Variants in ST6GALNAC3 observed in about 807,000 individuals in gnomAD.
ST6GALNAC3 encodes the protein ST6 N-acetylgalactosaminide alpha-2,6-sialyltransferase 3.
ST6GALNAC3 carries 25 observed loss-of-function variants against 32.7 expected under a neutral mutation model. The observed-to-expected ratio is 0.76, with a 90% CI of 0.56 to 1.07. ST6GALNAC3 has a LOEUF of 1.07. Among genes scored for constraint, ST6GALNAC3 ranks in the 50% least tolerant of loss-of-function variants. The pLI, the probability that ST6GALNAC3 is intolerant of heterozygous loss-of-function variation, is 0.00. For synonymous variants in ST6GALNAC3, 129 were observed against 133.1 expected (o/e 0.97, Z 0.21); for missense variants, 355 against 382.4 (o/e 0.93, Z 0.60).
At chr1:76,227,717 A>G (rs1478824646) in intron 1 of ST6GALNAC3, among the ~76,000 whole-genome samples, 1 of 152,190 alleles carries the variant, frequency 6.6e-6, no homozygotes, top group Admixed American at 6.5e-5. Flanking sequence ...GTCTCTAGGG[A>G]AGAAAATTTC....
intron 1 of ST6GALNAC3, among the ~76,000 whole-genome samples, chr1:76,214,679 A>G (rs185069837): frequency 9.8e-5 from 15 of 152,342 alleles, no homozygotes; most frequent in Non-Finnish European, 1.5e-5. Flanking sequence ...CACAGTAGGT[A>G]CTCAACAAAT....
intron 3 of ST6GALNAC3, among the ~76,000 whole-genome samples, chr1:76,436,153 G>A (rs1656127568): frequency 6.6e-6 from 1 of 151,970 alleles, no homozygotes; most frequent in Middle Eastern, 3.2e-3. Flanking sequence ...TTGTATTAAA[G>A]CATTCGAATG....
At chr1:76,185,819 GA>G (rs903434994) in intron 1 of ST6GALNAC3, among the ~76,000 whole-genome samples, 7 of 151,892 alleles carry the variant, frequency 4.6e-5, no homozygotes, top group African/African-American at 1.7e-4. Flanking sequence ...AGTACTCAGG[GA>G]AAAAAATATA....
chr1:76,464,646 T>C (rs2101607274), intron 3 of ST6GALNAC3, among the ~76,000 whole-genome samples: 1 of 152,342 alleles, frequency 6.6e-6, no homozygotes, highest in African/African-American at 2.4e-5. Context: ...CAGCAATAGC[T>C]GAGTAAGTGG....
At chr1:76,431,789 A>C (rs1655773236) in intron 3 of ST6GALNAC3, among the ~76,000 whole-genome samples, 1 of 152,082 alleles carries the variant, frequency 6.6e-6, no homozygotes, top group Non-Finnish European at 1.5e-5. Flanking sequence ...CCCCCCGCCC[A>C]GAGTGGTACA....
rs146744491 is a variant in ST6GALNAC3, at chr1:76,526,754, G to A, written c.624-100698G>A. On this transcript the variant is annotated intron_variant, in intron 3 of 4. Coordinates refer to ENST00000328299, the MANE Select transcript of ST6GALNAC3 (RefSeq NM_152996.4). Reference sequence around the variant, plus strand: ...CAATAACATCACTTGCAATTTAAACGCTTTAAAAATATGATCCTTTTTGCT... The same window carrying A: ...CAATAACATCACTTGCAATTTAAACACTTTAAAAATATGATCCTTTTTGCT... 3.8e-3 allele frequency among the ~76,000 whole-genome samples: 583 copies of A among 151,884 alleles called. 3 individuals are homozygous for A. The highest frequency in any genetic ancestry group is 0.013 in the African/African-American group (539 of 41,472).
intron 1 of ST6GALNAC3, among the ~76,000 whole-genome samples, chr1:76,255,390 C>T (rs1030595680): frequency 6.6e-6 from 1 of 152,038 alleles, no homozygotes; most frequent in Non-Finnish European, 1.5e-5. Flanking sequence ...GTTAAATTAT[C>T]TGCTTTTTTG....
At chr1:76,382,262 A>C (rs1433879173) in intron 2 of ST6GALNAC3, among the ~76,000 whole-genome samples, 2 of 152,180 alleles carry the variant, frequency 1.3e-5, no homozygotes, top group East Asian at 3.9e-4. Flanking sequence ...TAACCAAATA[A>C]ATGAATTTCT....
chr1:76,542,507 T>C (rs1664051365), intron 3 of ST6GALNAC3, among the ~76,000 whole-genome samples: 1 of 152,164 alleles, frequency 6.6e-6, no homozygotes, highest in Non-Finnish European at 1.5e-5. Flanking sequence ...CTGGGACTGC[T>C]TTCTCATCAG....
chr1:76,602,302 C>T (rs1323483758), intron 3 of ST6GALNAC3, among the ~76,000 whole-genome samples: 1 of 151,792 alleles, frequency 6.6e-6, no homozygotes, highest in East Asian at 1.9e-4. Flanking sequence ...GGGTCAAGAA[C>T]GTGTGTTCAT....
At chr1:76,351,496 A>G (rs9437139) in intron 2 of ST6GALNAC3, among the ~76,000 whole-genome samples, 31,746 of 151,984 alleles carry the variant, frequency 0.21, 3,778 homozygotes, top group Non-Finnish European at 0.27. Context: ...TAAAACTACT[A>G]TAACTTTTTT....
chr1:76,152,784 A>G (rs1651126516), intron 1 of ST6GALNAC3, among the ~76,000 whole-genome samples: 1 of 152,258 alleles, frequency 6.6e-6, no homozygotes, highest in Non-Finnish European at 1.5e-5. Flanking sequence ...TCATGGGATC[A>G]GCCATAGACC....
chr1:76,456,660 T>C (rs1466985001), intron 3 of ST6GALNAC3, among the ~76,000 whole-genome samples: 3 of 152,182 alleles, frequency 2.0e-5, no homozygotes, highest in Non-Finnish European at 4.4e-5. Context: ...CAACCCTTCA[T>C]GCTAAAAACT....
chr1:76,370,287 T>A (rs2101077511), intron 2 of ST6GALNAC3, among the ~76,000 whole-genome samples: 1 of 152,262 alleles, frequency 6.6e-6, no homozygotes, highest in South Asian at 2.1e-4. Context: ...CAACTATGGG[T>A]CTGAAGATAT....
intron 3 of ST6GALNAC3, among the ~76,000 whole-genome samples, chr1:76,538,623 A>G (rs1364365178): frequency 6.6e-6 from 1 of 152,198 alleles, no homozygotes; most frequent in Non-Finnish European, 1.5e-5. Flanking sequence ...AGAAAACCCC[A>G]TCATATCAGC....
At chr1:76,603,606 C>T (rs1647342986) in intron 3 of ST6GALNAC3, among the ~76,000 whole-genome samples, 3 of 152,162 alleles carry the variant, frequency 2.0e-5, no homozygotes, top group African/African-American at 7.2e-5. Context: ...ATAACAGTTA[C>T]TCCTGCCAGG....
At chr1:76,407,408 T>C (rs1653909148) in intron 2 of ST6GALNAC3, among the ~76,000 whole-genome samples, 1 of 152,002 alleles carries the variant, frequency 6.6e-6, no homozygotes, top group Non-Finnish European at 1.5e-5. Flanking sequence ...TTAGTATACT[T>C]TTGCAGAGGA....
intron 3 of ST6GALNAC3, among the ~76,000 whole-genome samples, chr1:76,507,933 A>G (rs1003554089): frequency 6.6e-6 from 1 of 152,178 alleles, no homozygotes; most frequent in African/African-American, 2.4e-5. Flanking sequence ...ATTCTAACCA[A>G]TATTTGCTAT....
At chr1:76,295,740 G>A (rs1253320482) in intron 1 of ST6GALNAC3, among the ~76,000 whole-genome samples, 1 of 152,030 alleles carries the variant, frequency 6.6e-6, no homozygotes, top group Non-Finnish European at 1.5e-5. Context: ...ATACTGAACT[G>A]GAAAAGGAAT....
Sources: gnomAD v4.1 joint callset for allele counts (sites outside exome capture counted in the v4.1 genomes callset) on GRCh38, gnomAD v4.1.1 for gene constraint, MANE v1.5 for transcripts, NCBI Gene and HGNC (gene_info 2026-07-23, HGNC 2026-07-21) for gene names.